ATG7: variants seen among roughly 807,000 people sequenced by gnomAD.
The protein encoded by ATG7 is autophagy related 7, also known as ubiquitin-like modifier-activating enzyme ATG7.
Under a neutral mutation model 82.4 loss-of-function variants are expected in ATG7, and 70 were observed. That is an observed-to-expected ratio of 0.85 (90% CI 0.70 to 1.04). The LOEUF is 1.04. ATG7 is among the 50% of genes least tolerant of loss of function. ATG7 has a pLI of 0.00. For synonymous variants in ATG7, 287 were observed against 313.0 expected, an observed-to-expected ratio of 0.92 and a Z score of 0.88; for missense variants, 792 against 864.3, an observed-to-expected ratio of 0.92 and a Z score of 1.05.
At chr3:11,528,482 T>C (rs1355363497) in intron 20 of ATG7, among the ~76,000 whole-genome samples, 2 of 152,152 alleles carry the variant, frequency 1.3e-5, no homozygotes, top group South Asian at 2.1e-4. Flanking sequence ...ACCTCTGATA[T>C]CACAGTCTGA....
chr3:11,437,113 G>A (rs1335021425), intron 20 of ATG7, among the ~76,000 whole-genome samples: 1 of 152,130 alleles, frequency 6.6e-6, no homozygotes, highest in South Asian at 2.1e-4. Flanking sequence ...CCATAGTTGG[G>A]GCATTTTGTT....
chr3:11,308,908 G>C (rs1424461862), intron 6 of ATG7, 76 bp from the exon 7 acceptor site: 3 of 1,362,686 alleles, frequency 2.2e-6, no homozygotes, highest in African/African-American at 1.4e-5. Context: ...GTGCTTTTCA[G>C]CTCCACACTT....
intron 16 of ATG7, among the ~76,000 whole-genome samples, chr3:11,361,253 C>T (rs925776993): frequency 6.6e-5 from 10 of 151,924 alleles, no homozygotes; most frequent in Admixed American, 2.0e-4. Context: ...ATAGGATTCC[C>T]AGCTAACTTT....
At chr3:11,338,718 G>T (rs893476330) in intron 11 of ATG7, among the ~76,000 whole-genome samples, 1 of 152,142 alleles carries the variant, frequency 6.6e-6, no homozygotes, top group African/African-American at 2.4e-5. Context: ...CAGAGTGCCC[G>T]ATTTAAAAGG....
In ATG7 at chr3:11,554,959, G is replaced by A. The variant is rs1394374188; in HGVS notation, c.*116G>A. ...ATTCTGGGCCCCTCCTCCATACCCC[G>A]AGGTCTGGGATTCCCCCCTCTGCTG... On this transcript the variant is annotated 3_prime_UTR_variant, in exon 21 of 21. Transcript: ENST00000693202. 60 of 1,333,568 alleles carry A rather than the reference G, an allele frequency of 4.5e-5. No individual in the cohort carries two copies. Among genetic ancestry groups the A allele is most frequent in the South Asian group, 7.1e-5 (5 of 69,986 alleles). The allele number at this position is 1,333,568 out of a possible 1,614,324, so 82.6% of individuals were successfully genotyped here. A position where few individuals can be genotyped will look rare whatever the true frequency, so the allele number is the denominator to read the frequency against.
chr3:11,405,234 TA>T (rs2080215267), intron 19 of ATG7, among the ~76,000 whole-genome samples: 1 of 152,146 alleles, frequency 6.6e-6, no homozygotes. Flanking sequence ...TGACATTTTC[TA>T]AAAATGAAGA....
At chr3:11,279,668 G>C (rs1021114909) in intron 1 of ATG7, among the ~76,000 whole-genome samples, 2 of 152,072 alleles carry the variant, frequency 1.3e-5, no homozygotes, top group African/African-American at 4.8e-5. Flanking sequence ...CTGGGTGACA[G>C]AGCAAGACTC....
chr3:11,543,327 G>A (rs966121392), intron 20 of ATG7, among the ~76,000 whole-genome samples: 1 of 152,152 alleles, frequency 6.6e-6, no homozygotes, highest in African/African-American at 2.4e-5. Flanking sequence ...CAGGGGGCTG[G>A]GGTTGGAAAG....
intron 14 of ATG7, among the ~76,000 whole-genome samples, chr3:11,356,410 G>T (rs558512525): frequency 3.3e-5 from 5 of 152,252 alleles, no homozygotes; most frequent in East Asian, 1.9e-4. Flanking sequence ...GAAAAGCCTG[G>T]CCATTAAACT....
intron 20 of ATG7, among the ~76,000 whole-genome samples, chr3:11,528,658 T>A (rs1044577023): frequency 6.6e-6 from 1 of 151,780 alleles, no homozygotes; most frequent in African/African-American, 2.4e-5. Flanking sequence ...AAACCCCATC[T>A]CTACTAAAAA....
chr3:11,402,306 G>A (rs1576119396), intron 19 of ATG7, among the ~76,000 whole-genome samples: 1 of 152,120 alleles, frequency 6.6e-6, no homozygotes, highest in African/African-American at 2.4e-5. Context: ...AGTGGCAGGC[G>A]CCTGTAATCC....
intron 19 of ATG7, among the ~76,000 whole-genome samples, chr3:11,392,235 T>G (rs1292190845): frequency 6.6e-6 from 1 of 152,074 alleles, no homozygotes; most frequent in African/African-American, 2.4e-5. Flanking sequence ...CATCTCCCAT[T>G]TTGGTTAATT....
chr3:11,491,092 G>T (rs923842714), intron 20 of ATG7, among the ~76,000 whole-genome samples: 1 of 152,270 alleles, frequency 6.6e-6, no homozygotes, highest in Non-Finnish European at 1.5e-5. Context: ...CATTTTCCCC[G>T]TCACTTTCAG....
At chr3:11,460,176 C>T (rs1413979420) in intron 20 of ATG7, among the ~76,000 whole-genome samples, 2 of 152,198 alleles carry the variant, frequency 1.3e-5, no homozygotes, top group African/African-American at 2.4e-5. Flanking sequence ...GTTCTTTTGG[C>T]GTTGTTTTAA....
At chr3:11,520,849 C>T (rs1407113982) in intron 20 of ATG7, among the ~76,000 whole-genome samples, 1 of 152,216 alleles carries the variant, frequency 6.6e-6, no homozygotes, top group Non-Finnish European at 1.5e-5. Flanking sequence ...CCACCCCACA[C>T]CTCACCCGCC....
At chr3:11,519,078 AACTT>A (rs2092363992) in intron 20 of ATG7, among the ~76,000 whole-genome samples, 1 of 152,206 alleles carries the variant, frequency 6.6e-6, no homozygotes, top group Non-Finnish European at 1.5e-5. Context: ...CTGAAACACC[AACTT>A]GCCAAATTTT....
chr3:11,568,594 A>G, the ATG7 span: 2 of 1,563,598 alleles, frequency 1.3e-6, no homozygotes, highest in East Asian at 2.4e-5. This position sits in a 1 kb window ranked among gnomAD's most constrained non-coding sequence, Gnocchi z 5.9. Context: ...GTAAAATTAT[A>G]CATTACTCAC....
chr3:11,474,779 G>A (rs997975805), intron 20 of ATG7, among the ~76,000 whole-genome samples: 1 of 152,152 alleles, frequency 6.6e-6, no homozygotes, highest in South Asian at 2.1e-4. Flanking sequence ...GACATGTGAG[G>A]AGCTGAGATG....
In ATG7 at chr3:11,332,989, C is replaced by G; in HGVS notation, c.785C>G (p.Ser262Cys). Residue 262 changes from serine to cysteine, a missense_variant, in exon 11 of 21, where the codon TCT becomes TGT. Ser to Cys is a moderately radical substitution (Grantham distance 112). Coordinates refer to ENST00000693202, the MANE Select transcript of ATG7 (RefSeq NM_001349232.2). ...AAHRWSSSFQ[S>C]VEVVCFRDRT... Reference sequence around the variant, plus strand: ...GACAACAGGAGTAGCAGTTTCCAGTCTGTTGAAGTTGTTTGCTTCCGTGAC... The same window carrying G: ...GACAACAGGAGTAGCAGTTTCCAGTGTGTTGAAGTTGTTTGCTTCCGTGAC... 1 of 1,554,334 alleles carries G rather than the reference C, an allele frequency of 6.4e-7. No individual in the cohort carries two copies. Among genetic ancestry groups the G allele is most frequent in the African/African-American group, 1.4e-5 (1 of 71,944 alleles).
Sources: gnomAD v4.1 joint callset for allele counts (sites outside exome capture counted in the v4.1 genomes callset) on GRCh38, gnomAD v4.1.1 for gene constraint, Gnocchi (gnomAD v3.1) non-coding constraint, MANE v1.5 for transcripts, NCBI Gene and HGNC (gene_info 2026-07-23, HGNC 2026-07-21) for gene names.